Variants in EXOC4 observed in about 807,000 individuals in gnomAD.
The protein encoded by EXOC4 is SEC8-like 1.
Under a neutral mutation model 107.2 loss-of-function variants are expected in EXOC4, and 71 were observed. The ratio of observed to expected loss-of-function variants is 0.66; its 90% confidence interval spans 0.55 to 0.81. EXOC4 has a LOEUF of 0.81. Ranked by LOEUF, EXOC4 falls within the 30% of genes least tolerant of loss-of-function variation. The probability of loss-of-function intolerance (pLI) is 0.00; values close to 1 mark genes in which losing one functional copy is unlikely to be tolerated. For missense variants in EXOC4, 1,108 were observed against 1,189.6 expected, an observed-to-expected ratio of 0.93 and a Z score of 1.01; for synonymous variants, 456 against 441.2, an observed-to-expected ratio of 1.03 and a Z score of -0.42.
intron 17 of EXOC4, among the ~76,000 whole-genome samples, chr7:134,053,498 G>A (rs1024888716): frequency 3.3e-5 from 5 of 151,514 alleles, no homozygotes; most frequent in Non-Finnish European, 7.4e-5. Flanking sequence ...TAAATCCCAG[G>A]CAACTGGCTC....
chr7:133,652,654 G>T (rs899976320), intron 10 of EXOC4, among the ~76,000 whole-genome samples: 1 of 152,092 alleles, frequency 6.6e-6, no homozygotes, highest in Non-Finnish European at 1.5e-5. Flanking sequence ...AATGGAGATT[G>T]CAGGGTGGCT....
At chr7:133,478,987 A>G in intron 8 of EXOC4, 1 of 152,206 alleles carries the variant, frequency 6.6e-6, no homozygotes, top group East Asian at 1.9e-4. Flanking sequence ...TCATCTCAGT[A>G]TTCATGTTCC....
At chr7:133,576,950 G>T in intron 9 of EXOC4, 2 of 1,021,468 alleles carry the variant, frequency 2.0e-6, no homozygotes, top group Non-Finnish European at 2.6e-6. Flanking sequence ...GTGTATGTGG[G>T]TAGGTGAGTG....
At chr7:133,550,789 C>T (rs1436703176) in intron 9 of EXOC4, among the ~76,000 whole-genome samples, 1 of 152,030 alleles carries the variant, frequency 6.6e-6, no homozygotes, top group Non-Finnish European at 1.5e-5. Flanking sequence ...TGCTGGACTA[C>T]CACCCCCATT....
chr7:133,652,205 A>G (rs1265540646), intron 10 of EXOC4, among the ~76,000 whole-genome samples: 1 of 152,194 alleles, frequency 6.6e-6, no homozygotes, highest in African/African-American at 2.4e-5. Context: ...ATGCACATTT[A>G]AAAAGATTTA....
At chr7:133,638,557 G>A (rs1456627913) in intron 10 of EXOC4, among the ~76,000 whole-genome samples, 2 of 152,140 alleles carry the variant, frequency 1.3e-5, no homozygotes, top group African/African-American at 4.8e-5. Flanking sequence ...AGAGACTCAT[G>A]GAGGGGTTGT....
At chr7:133,955,577 G>A (rs992079555) in intron 14 of EXOC4, among the ~76,000 whole-genome samples, 5 of 152,214 alleles carry the variant, frequency 3.3e-5, no homozygotes, top group East Asian at 1.9e-4. Context: ...GGGACTGGCA[G>A]CCTGGCCCCC....
intron 9 of EXOC4, chr7:133,484,104 A>G: frequency 6.2e-7 from 1 of 1,613,396 alleles, no homozygotes; most frequent in Non-Finnish European, 8.5e-7. Context: ...AAATTTTACA[A>G]AAGTTAAGTT....
chr7:133,774,229 C>T (rs1796301421), intron 10 of EXOC4, among the ~76,000 whole-genome samples: 1 of 152,076 alleles, frequency 6.6e-6, no homozygotes, highest in Non-Finnish European at 1.5e-5. Context: ...TATTCTCAGG[C>T]ATGAGCAGAG....
At chr7:133,646,347 A>T (rs1802992172) in intron 10 of EXOC4, among the ~76,000 whole-genome samples, 1 of 152,168 alleles carries the variant, frequency 6.6e-6, no homozygotes, top group African/African-American at 2.4e-5. Flanking sequence ...ACACATTTGC[A>T]ATCTTTCCAG....
At chr7:134,069,213 T>TCTTCTTCTCCTTCTTCTC (rs138589401), downstream of EXOC4, among the ~76,000 whole-genome samples, 11 of 147,948 alleles carry the variant, frequency 7.4e-5, no homozygotes, top group Non-Finnish European at 1.2e-4. Context: ...CAGTTCTTCT[T>TCTTCTTCTCCTTCTTCTC]CTTCTTCTCC....
At chr7:133,711,031 G>A (rs960523719) in intron 10 of EXOC4, among the ~76,000 whole-genome samples, 2 of 152,114 alleles carry the variant, frequency 1.3e-5, no homozygotes, top group African/African-American at 4.8e-5. Context: ...ACACCACACC[G>A]TCCCCACGGA....
chr7:133,843,325 A>G (rs1286082091), intron 11 of EXOC4, among the ~76,000 whole-genome samples: 2 of 151,772 alleles, frequency 1.3e-5, no homozygotes, highest in Non-Finnish European at 2.9e-5. Flanking sequence ...TCTATTTGTT[A>G]TGTCATCTCT....
chr7:133,862,590 A>G (rs1164728048), intron 11 of EXOC4, among the ~76,000 whole-genome samples: 2 of 152,214 alleles, frequency 1.3e-5, no homozygotes, highest in Admixed American at 6.5e-5. Context: ...TAGTTACAAC[A>G]GAAAGGATGG....
chr7:133,730,023 T>C (rs970299594), intron 10 of EXOC4, among the ~76,000 whole-genome samples: 2 of 151,642 alleles, frequency 1.3e-5, no homozygotes, highest in Non-Finnish European at 2.9e-5. Flanking sequence ...GCTATTGTTA[T>C]TACTTTTCTT....
the EXOC4 span, among the ~76,000 whole-genome samples, chr7:134,091,892 C>T: frequency 1.3e-5 from 2 of 152,100 alleles, no homozygotes; most frequent in African/African-American, 4.8e-5. Flanking sequence ...CTAAAATCCC[C>T]AGTACTTTAT....
intron 13 of EXOC4, among the ~76,000 whole-genome samples, chr7:133,933,081 A>G (rs1441432770): frequency 2.0e-5 from 3 of 151,364 alleles, no homozygotes; most frequent in African/African-American, 7.3e-5. Context: ...TCCTTTCAGT[A>G]GCTAACAGAA....
At chr7:133,282,447 G>A (rs1217576558) in intron 2 of EXOC4, among the ~76,000 whole-genome samples, 8 of 152,078 alleles carry the variant, frequency 5.3e-5, no homozygotes, top group African/African-American at 1.9e-4. Context: ...AAGAAACAGA[G>A]TAACATAATT....
chr7:133,323,421 A>G (rs1795161655), intron 5 of EXOC4, among the ~76,000 whole-genome samples: 1 of 152,166 alleles, frequency 6.6e-6, no homozygotes, highest in Non-Finnish European at 1.5e-5. Context: ...TTTAGCGTAA[A>G]GGGGTGTTGA....
Sources: gnomAD v4.1 joint callset for allele counts (sites outside exome capture counted in the v4.1 genomes callset) on GRCh38, gnomAD v4.1.1 for gene constraint, MANE v1.5 for transcripts, NCBI Gene and HGNC (gene_info 2026-07-23, HGNC 2026-07-21) for gene names.